UNC13B: variants seen among roughly 807,000 people sequenced by gnomAD.
UNC13B encodes unc-13 homolog B.
In UNC13B, 144 loss-of-function variants were observed where a neutral mutation model predicts 211.0. The ratio of observed to expected loss-of-function variants is 0.68; its 90% confidence interval spans 0.60 to 0.78. The LOEUF is 0.78. Among genes scored for constraint, UNC13B ranks in the 30% least tolerant of loss-of-function variants. The pLI, the probability that UNC13B is intolerant of heterozygous loss-of-function variation, is 0.00. For synonymous variants in UNC13B, 709 were observed against 725.8 expected (o/e 0.98, Z 0.37); for missense variants, 1,777 against 2,002.0 (o/e 0.89, Z 2.14).
chr9:35,216,477 T>G (rs188435737), intron 1 of UNC13B, among the ~76,000 whole-genome samples: 1 of 152,300 alleles, frequency 6.6e-6, no homozygotes, highest in African/African-American at 2.4e-5. Flanking sequence ...AACTGGCAAC[T>G]TAGTCAGAAA....
At chr9:35,179,152 G>T (rs944521632) in intron 1 of UNC13B, among the ~76,000 whole-genome samples, 15 of 152,014 alleles carry the variant, frequency 9.9e-5, no homozygotes, top group Non-Finnish European at 2.2e-4. Context: ...ATTATACAGG[G>T]TAGTGCTTTG....
intron 12 of UNC13B, among the ~76,000 whole-genome samples, chr9:35,368,097 C>T (rs992456615): frequency 6.6e-6 from 1 of 152,086 alleles, no homozygotes; most frequent in Non-Finnish European, 1.5e-5. Flanking sequence ...TTCAGGGGTA[C>T]ATGTGCAGGT....
intron 11 of UNC13B, among the ~76,000 whole-genome samples, chr9:35,325,674 C>T (rs1189117704): frequency 6.6e-6 from 1 of 152,178 alleles, no homozygotes; most frequent in South Asian, 2.1e-4. Flanking sequence ...ATCACCACTA[C>T]CTAATTCCAG....
At chr9:35,252,965 A>G (rs774893702) in intron 6 of UNC13B, among the ~76,000 whole-genome samples, 6 of 152,134 alleles carry the variant, frequency 3.9e-5, no homozygotes, top group Non-Finnish European at 5.9e-5. Context: ...GTTACCAGCT[A>G]TTCAGTTCAC....
In UNC13B at chr9:35,304,361, C is replaced by T. The variant is rs931105915; in HGVS notation, c.4957C>T (p.Arg1653Cys). The T allele has an allele frequency of 7.5e-6, 3 of 398,446 alleles. No individual in the cohort carries two copies. Among genetic ancestry groups the T allele is most frequent in the Non-Finnish European group, 1.3e-5 (3 of 225,856 alleles). The allele number at this position is 398,446 out of a possible 1,614,324, so 24.7% of individuals were successfully genotyped here. A position where few individuals can be genotyped will look rare whatever the true frequency, so the allele number is the denominator to read the frequency against. The change falls in exon 9 of 40, where the codon CGT (arginine) becomes TGT (cysteine). Residue 1653 changes from arginine (R) to cysteine (C), a missense_variant. Coordinates refer to ENST00000635942, the MANE Select transcript of UNC13B (RefSeq NM_001371189.2). Reference sequence around the variant, plus strand: ...GCCACTAGATTTTTCAGGCTATAATCGTCAAAAGTTTAAAGGAGACTTTAG... The same window carrying T: ...GCCACTAGATTTTTCAGGCTATAATTGTCAAAAGTTTAAAGGAGACTTTAG... ...DQPLDFSGYN[R>C]QKFKGDFRSF...
intron 11 of UNC13B, among the ~76,000 whole-genome samples, chr9:35,357,880 C>T (rs527720057): frequency 6.6e-6 from 1 of 152,262 alleles, no homozygotes; most frequent in East Asian, 1.9e-4. Context: ...CTGCAACCAC[C>T]GTTCATCTCC....
chr9:35,375,336 A>G, intron 14 of UNC13B, 135 bp downstream of exon 14: 2 of 939,756 alleles, frequency 2.1e-6, no homozygotes. Flanking sequence ...AAAGATAGAT[A>G]GCATCAGGTG....
Position 35,295,749 on chromosome 9 carries a change from G to A in UNC13B, c.580G>A (p.Glu194Lys), listed in dbSNP as rs964694672. 6.2e-7 allele frequency: 1 copy of A among 1,614,002 alleles called. No individual in the cohort carries two copies. The highest frequency in any genetic ancestry group is 1.3e-5 in the African/African-American group (1 of 74,900). Residue 194 changes from glutamate to lysine, a missense_variant, in exon 8 of 40, where the codon GAG becomes AAG. By Grantham distance (56) the Glu-to-Lys change is moderately conservative. Coordinates refer to ENST00000635942, the MANE Select transcript of UNC13B (RefSeq NM_001371189.2). ...VDDRDSDYRS[E>K]TSNSFPPPYH... ...TGACCGAGATAGTGACTATCGCAGT[G>A]AGACCAGCAACAGCTTCCCACCTCC...
intron 3 of UNC13B, among the ~76,000 whole-genome samples, chr9:35,235,058 T>C (rs1290814691): frequency 6.6e-6 from 1 of 152,236 alleles, no homozygotes; most frequent in Non-Finnish European, 1.5e-5. Context: ...AGAACGTTTT[T>C]AGCATTAACA....
chr9:35,395,729 T>G (rs1313276043), intron 26 of UNC13B, among the ~76,000 whole-genome samples: 1 of 152,216 alleles, frequency 6.6e-6, no homozygotes, highest in Non-Finnish European at 1.5e-5. Context: ...TATCTTTGTC[T>G]TAGATTTTCC....
chr9:35,396,273 T>C lies in UNC13B; in HGVS notation c.11309-203T>C, dbSNP rs546068763. 6.6e-5 allele frequency among the ~76,000 whole-genome samples: 10 copies of C among 152,294 alleles called. 1 individual carries two copies. The South Asian group carries it at 2.1e-3, about 32-fold the overall frequency. On this transcript the variant is annotated intron_variant, in intron 26 of 39. Transcript: ENST00000635942. ...ATCTGGGAGTCTGGCTTAGTCTTTC[T>C]AGAGGAAGATTTGGGCCAAGCTTGT...
At chr9:35,378,115 A>T (rs1834562734) in intron 16 of UNC13B, among the ~76,000 whole-genome samples, 180 bp from the exon 17 acceptor site, 1 of 152,096 alleles carries the variant, frequency 6.6e-6, no homozygotes. Context: ...GGGTAGGGAG[A>T]TGGGATGCTT....
In UNC13B at chr9:35,396,579, G is replaced by C; in HGVS notation, c.11412G>C (p.Gln3804His). 6.2e-7 allele frequency: 1 copy of C among 1,614,082 alleles called. No individual in the cohort carries two copies. The highest frequency in any genetic ancestry group is 8.5e-7 in the Non-Finnish European group (1 of 1,180,034). The change falls in exon 27 of 40, where the codon CAG (glutamine) becomes CAC (histidine). Residue 3804 changes from glutamine to histidine, a missense_variant. Physicochemically the swap from Gln to His is conservative, Grantham distance 24. Coordinates refer to ENST00000635942, the MANE Select transcript of UNC13B (RefSeq NM_001371189.2). ...ACGTGCGGGATCTGCCTGTCCTCCA[G>C]GGGCAGGTGCCTGAGTACCCAGCGT... ...NEYVRDLPVL[Q>H]GQVPEYPAWF...
In UNC13B at chr9:35,305,945, A is replaced by G. The variant is rs1175026437; in HGVS notation, c.6541A>G (p.Arg2181Gly). 1 of 398,916 alleles carries G rather than the reference A, an allele frequency of 2.5e-6. No individual in the cohort carries two copies. Among genetic ancestry groups the G allele is most frequent in the Non-Finnish European group, 4.4e-6 (1 of 226,058 alleles). 24.7% of individuals were successfully genotyped at this position (398,916 alleles called of 1,614,324 possible). A position where few individuals can be genotyped will look rare whatever the true frequency, so the allele number is the denominator to read the frequency against. ...SENRASATLPRAKSQAEGLFT... is the reference protein window; with the variant it reads ...SENRASATLPGAKSQAEGLFT... ...GAACAGAGCCTCTGCTACTCTACCA[A>G]GAGCCAAATCTCAGGCAGAAGGGCT... The change falls in exon 9 of 40, where the codon AGA becomes GGA. Residue 2181 changes from arginine (R) to glycine (G), a missense_variant. Transcript: ENST00000635942.
chr9:35,197,747 A>G (rs1047259978), intron 1 of UNC13B, among the ~76,000 whole-genome samples: 2 of 151,940 alleles, frequency 1.3e-5, no homozygotes, highest in Admixed American at 6.6e-5. Context: ...TTAAATTTGT[A>G]GTACCTCTCC....
At chr9:35,283,211 T>C (rs1828607861) in intron 7 of UNC13B, among the ~76,000 whole-genome samples, 1 of 152,186 alleles carries the variant, frequency 6.6e-6, no homozygotes, top group South Asian at 2.1e-4. Flanking sequence ...TTTGTTCCCT[T>C]CTTTAGGCCA....
At chr9:35,205,747 GAAT>G (rs1823607763) in intron 1 of UNC13B, among the ~76,000 whole-genome samples, 1 of 152,148 alleles carries the variant, frequency 6.6e-6, no homozygotes, top group African/African-American at 2.4e-5. Flanking sequence ...TTTTATGCCT[GAAT>G]AATATTCCAT....
chr9:35,266,695 A>G (rs1318291101), intron 7 of UNC13B, among the ~76,000 whole-genome samples: 4 of 152,228 alleles, frequency 2.6e-5, no homozygotes, highest in Non-Finnish European at 5.9e-5. Flanking sequence ...CTCTTTTAGC[A>G]TTCAGTAACA....
chr9:35,364,465 C>T, intron 11 of UNC13B: 1 of 1,468,708 alleles, frequency 6.8e-7, no homozygotes, highest in South Asian at 1.2e-5. Context: ...GTTTAGCTGG[C>T]ATTTTCTTTG....
Sources: allele counts gnomAD v4.1 joint callset (sites outside exome capture counted in the v4.1 genomes callset), GRCh38; gene constraint gnomAD v4.1.1; transcripts MANE v1.5; gene names NCBI Gene and HGNC (gene_info 2026-07-23, HGNC 2026-07-21).